The following ZNF236 variants were observed in gnomAD, a reference collection of about 807,000 sequenced individuals.
ZNF236 encodes the protein zinc finger protein 236.
In ZNF236, 50 loss-of-function variants were observed where a neutral mutation model predicts 191.2. That is an observed-to-expected ratio of 0.26 (90% CI 0.21 to 0.33). ZNF236 has a LOEUF of 0.33. Ranked by LOEUF, ZNF236 falls within the 10% of genes least tolerant of loss-of-function variation. The pLI is 1.00. For missense variants in ZNF236, 1,754 were observed against 2,374.5 expected, an observed-to-expected ratio of 0.74 and a Z score of 5.43; for synonymous variants, 907 against 928.8, an observed-to-expected ratio of 0.98 and a Z score of 0.43.
chr18:76,880,938 AC>A lies in ZNF236; in HGVS notation c.1189-343del, dbSNP rs534205513. The stretch of plus-strand genomic sequence containing the variant: ...TCTACAGCCGATACCTGAAAGTTAA[AC>A]CCAGTGTAACTCAAAAGCCTTAAAA... On this transcript the variant is annotated intron_variant, in intron 8 of 30. Coordinates refer to ENST00000320610, the MANE Select transcript of ZNF236 (RefSeq NM_001306089.2). This position sits in a 1 kb window ranked among gnomAD's most constrained non-coding sequence, Gnocchi z 5.0. Among the ~76,000 whole-genome samples the A allele has an allele frequency of 3.3e-3, 500 of 152,326 alleles. No individual in the cohort carries two copies. The highest frequency in any genetic ancestry group is 4.6e-3 in the South Asian group (22 of 4,824).
In ZNF236 at chr18:76,846,232, A is replaced by G. The variant is rs976214912; in HGVS notation, c.56-3294A>G. Among the ~76,000 whole-genome samples, 5 of 152,248 alleles carry G rather than the reference A, an allele frequency of 3.3e-5. No homozygotes were observed. The East Asian group carries it at 5.8e-4, about 18-fold the overall frequency. ...CTTCCAAAGTGCTGGCATTACAGAC[A>G]TGAGCCACCATGCCCAGCCAGGATG... is the stretch of plus-strand genomic sequence containing the variant. On this transcript the variant is annotated intron_variant, in intron 1 of 30. Transcript: ENST00000320610.
In ZNF236 at chr18:76,822,627, C is replaced by G. The variant is rs1159837816; in HGVS notation, c.20C>G (p.Pro7Arg). MPRGRP[P>R]KPRESKARGD... ...CCGACGATGCCGCGGGGCCGCCCCC[C>G]GAAGCCCAGGGAGAGCAAGGCGCGC... Residue 7 changes from proline to arginine, a missense_variant, in exon 1 of 31, where the codon CCG (proline) becomes CGG (arginine). Around this residue, in one of 5 missense-constraint regions of ZNF236, gnomAD observed 336 missense variants for 495.1 expected, o/e 0.68. Transcript: ENST00000320610. 1 of 150,168 alleles carries G rather than the reference C, an allele frequency of 6.7e-6. No homozygotes were observed. The highest frequency in any genetic ancestry group is 1.5e-5 in the Non-Finnish European group (1 of 68,240). 9.3% of individuals were successfully genotyped at this position (150,168 alleles called of 1,614,324 possible). A position where few individuals can be genotyped will look rare whatever the true frequency, so the allele number is the denominator to read the frequency against.
intron 1 of ZNF236, among the ~76,000 whole-genome samples, chr18:76,840,511 G>T (rs1409811406): frequency 6.6e-6 from 1 of 151,432 alleles, no homozygotes; most frequent in Non-Finnish European, 1.5e-5. Context: ...AAAAGAAAAA[G>T]AGGGAGACGT....
chr18:76,949,240 C>G (rs781504323), intron 27 of ZNF236, among the ~76,000 whole-genome samples: 17 of 152,182 alleles, frequency 1.1e-4, no homozygotes, highest in Non-Finnish European at 1.9e-4. Flanking sequence ...AATGAAACTA[C>G]TTTGCTATTT....
At chr18:76,914,033 C>A (rs1967290099) in intron 18 of ZNF236, 135 bp downstream of exon 18, 3 of 964,288 alleles carry the variant, frequency 3.1e-6, no homozygotes, top group Admixed American at 5.7e-5. Flanking sequence ...TAGAGTTCTG[C>A]AACCATCAAA....
chr18:76,824,046 A>G (rs1420645988), intron 1 of ZNF236: 2 of 410,004 alleles, frequency 4.9e-6, no homozygotes. Context: ...GTTGATTTTT[A>G]TTTAACTGTT....
At chr18:76,902,801 G>A (rs1977635799) in intron 11 of ZNF236, among the ~76,000 whole-genome samples, 1 of 148,374 alleles carries the variant, frequency 6.7e-6, no homozygotes, top group Non-Finnish European at 1.5e-5. Context: ...ATGTTGGCCA[G>A]GCTGATCTCA....
At chr18:76,931,317 C>A (rs746196238) in intron 25 of ZNF236, 5 of 152,142 alleles carry the variant, frequency 3.3e-5, no homozygotes, top group Non-Finnish European at 7.4e-5. Context: ...GTTAAACTGT[C>A]CTTAGCATGA....
intron 25 of ZNF236, among the ~76,000 whole-genome samples, chr18:76,929,978 G>C (rs1254602623): frequency 1.3e-5 from 2 of 152,180 alleles, no homozygotes; most frequent in East Asian, 3.8e-4. Context: ...TCAGAAAAAG[G>C]TTACACGTTG....
At chr18:76,922,539 T>TGG (rs1967565693) in intron 20 of ZNF236, among the ~76,000 whole-genome samples, 1 of 151,112 alleles carries the variant, frequency 6.6e-6, no homozygotes, top group Non-Finnish European at 1.5e-5. Context: ...TCAGAGTTCT[T>TGG]GGGTTTTTTA....
chr18:76,967,636 T>TAGG (rs1555702103), intron 30 of ZNF236, among the ~76,000 whole-genome samples: 3 of 51,530 alleles, frequency 5.8e-5, no homozygotes, highest in Admixed American at 2.3e-4. Flanking sequence ...GATTTGTTGT[T>TAGG]GGAGGTGGTG....
At chr18:76,895,348 A>G (rs1324444502) in intron 10 of ZNF236, 63 bp downstream of exon 10, 40 of 1,577,086 alleles carry the variant, frequency 2.5e-5, no homozygotes, top group Non-Finnish European at 3.4e-5. Flanking sequence ...ATTACTGCGC[A>G]CATATACCAA....
At chr18:76,918,450 G>A (rs1967438115) in intron 19 of ZNF236, among the ~76,000 whole-genome samples, 1 of 152,032 alleles carries the variant, frequency 6.6e-6, no homozygotes, top group Admixed American at 6.6e-5. Context: ...TGAGAAACAG[G>A]GTCTCACTCT....
intron 1 of ZNF236, among the ~76,000 whole-genome samples, chr18:76,831,022 T>C (rs1428613670): frequency 6.6e-6 from 1 of 152,334 alleles, no homozygotes; most frequent in East Asian, 1.9e-4. Context: ...TCCTCACAGT[T>C]TCTCCTATTG....
chr18:76,915,703 C>T lies in ZNF236; in HGVS notation c.3118C>T (p.Leu1040Phe), dbSNP rs375204865. ...TGCTTCCTTCACCACCAATGGCAGC[C>T]TCACCCGGCACATGGCCACACATAT... Reference protein sequence around the residue: ...CNASFTTNGSLTRHMATHMSM... With the variant: ...CNASFTTNGSFTRHMATHMSM... Residue 1040 changes from leucine to phenylalanine, a missense_variant, in exon 19 of 31, where the codon CTC (leucine) becomes TTC (phenylalanine). Physicochemically the swap from Leu to Phe is conservative, Grantham distance 22. Coordinates refer to ENST00000320610, the MANE Select transcript of ZNF236 (RefSeq NM_001306089.2). 1 of 1,613,982 alleles carries T rather than the reference C, an allele frequency of 6.2e-7. No homozygotes were observed. Among genetic ancestry groups the T allele is most frequent in the African/African-American group, 1.3e-5 (1 of 74,870 alleles).
chr18:76,826,629 A>T (rs1381136049), intron 1 of ZNF236, among the ~76,000 whole-genome samples: 1 of 128,218 alleles, frequency 7.8e-6, no homozygotes, highest in Non-Finnish European at 1.6e-5. Context: ...CAGCCGTACT[A>T]AAAAAAAAAA....
At chr18:76,867,575 C>G (rs1976452926) in intron 3 of ZNF236, among the ~76,000 whole-genome samples, 1 of 152,112 alleles carries the variant, frequency 6.6e-6, no homozygotes, top group African/African-American at 2.4e-5. Context: ...ACAGTTTATG[C>G]TCATTGACAG....
chr18:76,949,431 A>AT (rs965008459), intron 27 of ZNF236, among the ~76,000 whole-genome samples: 2 of 152,114 alleles, frequency 1.3e-5, no homozygotes, highest in Admixed American at 6.5e-5. Flanking sequence ...CTAGCTTGTA[A>AT]TTTTTTTCAA....
intron 3 of ZNF236, among the ~76,000 whole-genome samples, chr18:76,854,942 A>T (rs1204268949): frequency 6.6e-6 from 1 of 152,136 alleles, no homozygotes; most frequent in Non-Finnish European, 1.5e-5. Context: ...TTATTTTTGG[A>T]GGGAGAAGAG....
Sources: gnomAD v4.1 joint callset for allele counts (sites outside exome capture counted in the v4.1 genomes callset) on GRCh38, gnomAD v4.1.1 for gene constraint, gnomAD v4.1.1 regional missense constraint, Gnocchi (gnomAD v3.1) non-coding constraint, MANE v1.5 for transcripts, NCBI Gene and HGNC (gene_info 2026-07-23, HGNC 2026-07-21) for gene names.